Variants in BBX observed in about 807,000 individuals in gnomAD.
BBX encodes the protein BBX high mobility group box domain containing.
A neutral mutation model predicts 100.2 loss-of-function variants in BBX; 30 were observed. The observed-to-expected ratio is 0.30, with a 90% CI of 0.22 to 0.41. The LOEUF is 0.41. Among genes scored for constraint, BBX ranks in the 10% least tolerant of loss-of-function variants. The probability of loss-of-function intolerance (pLI) is 1.00; values close to 1 mark genes in which losing one functional copy is unlikely to be tolerated. For synonymous variants in BBX, 376 were observed against 388.1 expected, an observed-to-expected ratio of 0.97 and a Z score of 0.37; for missense variants, 1,023 against 1,129.8, an observed-to-expected ratio of 0.91 and a Z score of 1.35.
chr3:107,753,619 G>A (rs1300603889), intron 9 of BBX, among the ~76,000 whole-genome samples: 2 of 152,206 alleles, frequency 1.3e-5, no homozygotes, highest in Non-Finnish European at 2.9e-5. Flanking sequence ...GAGCCTCTCA[G>A]TGTGCCATGC....
chr3:107,575,031 G>T lies in BBX; in HGVS notation c.-84+48633G>T, dbSNP rs78591611. Among the ~76,000 whole-genome samples, 1,311 of 152,236 alleles carry T rather than the reference G, an allele frequency of 8.6e-3. 18 individuals are homozygous for T. Among genetic ancestry groups the T allele is most frequent in the African/African-American group, 0.03 (1,258 of 41,518 alleles). On this transcript the variant is annotated intron_variant, in intron 2 of 17. Transcript: ENST00000325805. The stretch of plus-strand genomic sequence containing the variant: ...AAAGAATCACATAAACCCACAAAAA[G>T]GTGGCAATTATGCAACAGCTGTTTC...
chr3:107,549,054 G>A (rs908754373), intron 2 of BBX, among the ~76,000 whole-genome samples: 3 of 152,102 alleles, frequency 2.0e-5, no homozygotes, highest in Admixed American at 6.5e-5. Flanking sequence ...TCACCACCTG[G>A]GTGACAGGAC....
At chr3:107,682,096 CTAAT>C (rs1327175532) in intron 3 of BBX, among the ~76,000 whole-genome samples, 1 of 152,040 alleles carries the variant, frequency 6.6e-6, no homozygotes, top group African/African-American at 2.4e-5. Context: ...TCACATAAAA[CTAAT>C]TTGATTACTC....
intron 3 of BBX, among the ~76,000 whole-genome samples, chr3:107,692,679 G>A (rs1255429649): frequency 1.3e-5 from 2 of 150,246 alleles, no homozygotes; most frequent in South Asian, 2.1e-4. Flanking sequence ...TGTCTTTATA[G>A]CAGCATGATT....
Position 107,628,533 on chromosome 3 carries a change from C to T in BBX, c.-83-17303C>T, listed in dbSNP as rs543690077. 2.0e-5 allele frequency among the ~76,000 whole-genome samples: 3 copies of T among 151,738 alleles called. No homozygotes were observed. In the South Asian group the frequency reaches 6.3e-4, roughly 32 times the overall value. On this transcript the variant is annotated intron_variant, in intron 2 of 17. Transcript: ENST00000325805. ...TTTTCTCATATCTTTTTTATATGTACCATTTTTTATATGAGGAAACCTTTT... is the reference window on the plus strand; with the variant it reads ...TTTTCTCATATCTTTTTTATATGTATCATTTTTTATATGAGGAAACCTTTT...
At chr3:107,613,034 A>C (rs952466327) in intron 2 of BBX, among the ~76,000 whole-genome samples, 2 of 152,004 alleles carry the variant, frequency 1.3e-5, no homozygotes, top group Non-Finnish European at 2.9e-5. Flanking sequence ...CCACCACCAC[A>C]GACCCATGGA....
At chr3:107,689,449 A>G (rs1369181423) in intron 3 of BBX, among the ~76,000 whole-genome samples, 1 of 152,250 alleles carries the variant, frequency 6.6e-6, no homozygotes, top group Non-Finnish European at 1.5e-5. Flanking sequence ...CCTCAGAAAA[A>G]TTAGATGGAG....
chr3:107,670,182 T>C (rs2058948658), intron 3 of BBX, among the ~76,000 whole-genome samples: 1 of 152,166 alleles, frequency 6.6e-6, no homozygotes, highest in African/African-American at 2.4e-5. Context: ...AATAGATCAC[T>C]AATACATTTT....
Position 107,728,892 on chromosome 3 carries a change from CAAG to C in BBX, c.535_537del (p.Arg179del). 6.2e-7 allele frequency: 1 copy of C among 1,613,960 alleles called. No individual in the cohort carries two copies. The highest frequency in any genetic ancestry group is 2.2e-5 in the East Asian group (1 of 44,872). ...CTTTGGGCCTTCCCATCTGACTCTTCAAGAGACTTGCCAAGCCCCAAGAAAGCA... is the reference window on the plus strand; with the variant it reads ...CTTTGGGCCTTCCCATCTGACTCTTCAGACTTGCCAAGCCCCAAGAAAGCA... On this transcript the variant is annotated inframe_deletion, in exon 6 of 18. Transcript: ENST00000325805.
intron 10 of BBX, among the ~76,000 whole-genome samples, chr3:107,759,535 G>A (rs550393562): frequency 1.6e-4 from 25 of 152,166 alleles, no homozygotes; most frequent in Non-Finnish European, 3.1e-4. Context: ...ACTGAAGAGG[G>A]TCAGAGATAT....
intron 2 of BBX, among the ~76,000 whole-genome samples, chr3:107,608,745 A>G (rs550908945): frequency 2.0e-5 from 3 of 152,170 alleles, no homozygotes; most frequent in Admixed American, 6.5e-5. Context: ...TCTTTTACCA[A>G]TGTTAAATAG....
At chr3:107,670,562 A>C (rs528744618) in intron 3 of BBX, among the ~76,000 whole-genome samples, 1 of 152,246 alleles carries the variant, frequency 6.6e-6, no homozygotes, top group East Asian at 1.9e-4. Flanking sequence ...GTCAATTAAA[A>C]AATAAAATAA....
intron 2 of BBX, among the ~76,000 whole-genome samples, chr3:107,629,143 G>A (rs1576073152): frequency 6.6e-6 from 1 of 152,030 alleles, no homozygotes; most frequent in African/African-American, 2.4e-5. Context: ...GTGTGTTTTG[G>A]GTGATTTGAG....
intron 13 of BBX, among the ~76,000 whole-genome samples, chr3:107,786,561 T>C (rs1352828043): frequency 6.6e-6 from 1 of 152,090 alleles, no homozygotes; most frequent in Admixed American, 6.5e-5. Flanking sequence ...GTAGAGTCTT[T>C]CCAAAAAATG....
chr3:107,762,620 G>T (rs998119592), intron 10 of BBX, among the ~76,000 whole-genome samples: 1 of 152,182 alleles, frequency 6.6e-6, no homozygotes, highest in African/African-American at 2.4e-5. Flanking sequence ...CAAAATGATT[G>T]TAAATATACC....
chr3:107,571,431 G>A (rs1226150414), intron 2 of BBX, among the ~76,000 whole-genome samples: 8 of 152,144 alleles, frequency 5.3e-5, no homozygotes, highest in Non-Finnish European at 7.4e-5. Flanking sequence ...TTGGGTTTCC[G>A]GATAAAATGT....
intron 16 of BBX, 63 bp downstream of exon 16, chr3:107,798,783 A>C: frequency 6.8e-7 from 1 of 1,469,182 alleles, no homozygotes; most frequent in Non-Finnish European, 9.5e-7. Flanking sequence ...GCCACACTGG[A>C]AGAAGAATTG....
At chr3:107,770,340 G>A (rs1052910233) in intron 10 of BBX, among the ~76,000 whole-genome samples, 1 of 152,192 alleles carries the variant, frequency 6.6e-6, no homozygotes, top group Non-Finnish European at 1.5e-5. Flanking sequence ...AAAGCCACCA[G>A]AGTGACAGTG....
intron 7 of BBX, among the ~76,000 whole-genome samples, chr3:107,736,192 AATAGAAGT>A (rs1473919918): frequency 5.9e-5 from 9 of 152,044 alleles, no homozygotes; most frequent in African/African-American, 2.2e-4. Context: ...GACCCTGTAA[AATAGAAGT>A]ATAGAAGTCT....
Sources: allele counts gnomAD v4.1 joint callset (sites outside exome capture counted in the v4.1 genomes callset), GRCh38; gene constraint gnomAD v4.1.1; transcripts MANE v1.5; gene names NCBI Gene and HGNC (gene_info 2026-07-23, HGNC 2026-07-21).